The following GSDMD variants were observed in gnomAD, a reference collection of about 807,000 sequenced individuals.
GSDMD encodes the protein gasdermin D.
Under a neutral mutation model 46.7 loss-of-function variants are expected in GSDMD, and 46 were observed. The observed-to-expected ratio is 0.99, with a 90% CI of 0.78 to 1.26. The LOEUF (loss-of-function observed/expected upper bound fraction) is 1.26. Ranked by LOEUF, GSDMD falls within the 50% of genes most tolerant of loss-of-function variation. The pLI, the probability that GSDMD is intolerant of heterozygous loss-of-function variation, is 0.00. For missense variants in GSDMD, 649 were observed against 638.8 expected, an observed-to-expected ratio of 1.02 and a Z score of -0.17; for synonymous variants, 307 against 283.1, an observed-to-expected ratio of 1.08 and a Z score of -0.85.
chr8:143,562,686 G>A lies in GSDMD; in HGVS notation c.1237G>A (p.Ala413Thr). The A allele has an allele frequency of 6.2e-7, 1 of 1,605,886 alleles. No individual in the cohort carries two copies. The highest frequency in any genetic ancestry group is 8.5e-7 in the Non-Finnish European group (1 of 1,176,780). ...GGTGGGCAGCCTCTTGGAGCAGAGT[G>A]CCCCGTGGCAGGAGCGCAGCACCAT... is the stretch of plus-strand genomic sequence containing the variant. Reference protein sequence around the residue: ...ELVGSLLEQSAPWQERSTMSL... With the variant: ...ELVGSLLEQSTPWQERSTMSL... Residue 413 changes from alanine (A) to threonine (T), a missense_variant, in exon 11 of 11, where the codon GCC becomes ACC. Coordinates refer to ENST00000262580, the MANE Select transcript of GSDMD (RefSeq NM_024736.7).
intron 5 of GSDMD, 75 bp downstream of exon 5, chr8:143,561,179 C>A (rs1823451900): frequency 2.1e-6 from 3 of 1,441,072 alleles, no homozygotes; most frequent in Non-Finnish European, 2.9e-6. Flanking sequence ...AGCTACCCGC[C>A]AGCTTGGGCT....
intron 1 of GSDMD, 52 bp from the exon 2 acceptor site, chr8:143,559,280 T>TCCCCCCCCC: frequency 3.5e-6 from 2 of 579,430 alleles, no homozygotes; most frequent in East Asian, 3.2e-5. Context: ...CTTCTCCCAC[T>TCCCCCCCCC]CCCTCCCGCC....
chr8:143,559,712 AG>A lies in GSDMD; in HGVS notation c.218-62del. ...GGTCCCTCTGCCCTGGGGCTGGGAC[AG>A]GGCTGGTGGGGGCGGGGGAGAGGCG... is the stretch of plus-strand genomic sequence containing the variant. On this transcript the variant is annotated intron_variant, in intron 2 of 10. Coordinates refer to ENST00000262580, the MANE Select transcript of GSDMD (RefSeq NM_024736.7). The A allele has an allele frequency of 2.2e-6, 3 of 1,391,430 alleles. No individual in the cohort carries two copies. The South Asian group carries it at 3.9e-5, about 18-fold the overall frequency. The allele number at this position is 1,391,430 out of a possible 1,614,324, so 86.2% of individuals were successfully genotyped here. A position where few individuals can be genotyped will look rare whatever the true frequency, so the allele number is the denominator to read the frequency against.
intron 1 of GSDMD, chr8:143,558,775 C>A: frequency 1.7e-6 from 1 of 604,570 alleles, no homozygotes; most frequent in Non-Finnish European, 3.1e-6. Context: ...CCTGGGGCAG[C>A]TGCAGCCCCT....
intron 4 of GSDMD, 51 bp downstream of exon 4, chr8:143,560,822 G>A (rs750255039): frequency 2.5e-5 from 36 of 1,464,812 alleles, no homozygotes; most frequent in African/African-American, 8.7e-5. Flanking sequence ...GGCATGCGGC[G>A]GCGGGTGACG....
rs1343758519 is a variant in GSDMD at position 143,562,244 on chromosome 8, C to G, written c.1032C>G (p.Pro344=). Residue 344 remains proline (P), a synonymous_variant, in exon 9 of 11, where the codon CCC becomes CCG. Transcript: ENST00000262580. ...GCCAGAGCCTTGGGCCGGTGGAGCC[C>G]CTGGACGGTCCAGCAGGTGCTGTCC... ...EQGQSLGPVE[P]LDGPAGAVLE... The G allele has an allele frequency of 2.6e-6, 4 of 1,562,528 alleles. No individual in the cohort carries two copies. The highest frequency in any genetic ancestry group is 2.6e-6 in the Non-Finnish European group (3 of 1,156,364).
At chr8:143,561,203 G>A (rs1261091168) in intron 5 of GSDMD, 99 bp downstream of exon 5, 6 of 1,300,152 alleles carry the variant, frequency 4.6e-6, no homozygotes, top group Non-Finnish European at 4.4e-6. Flanking sequence ...GTGGGCCCCT[G>A]GCTGAACAAC....
At chr8:143,557,968 C>G, upstream of GSDMD, 1 of 432,246 alleles carries the variant, frequency 2.3e-6, no homozygotes, top group South Asian at 1.7e-5. Flanking sequence ...GATCTCGGCT[C>G]ACTGCAACCT....
intron 5 of GSDMD, 31 bp downstream of exon 5, chr8:143,561,135 AG>A: frequency 6.3e-7 from 1 of 1,593,116 alleles, no homozygotes; most frequent in Non-Finnish European, 8.6e-7. Flanking sequence ...TCTCGGGCCC[AG>A]GCCCTGGCAG....
Position 143,559,358 on chromosome 8 carries a change from T to C in GSDMD, c.23T>C (p.Val8Ala). The C allele has an allele frequency of 3.7e-6, 5 of 1,339,098 alleles. No individual in the cohort carries two copies. Among genetic ancestry groups the C allele is most frequent in the Non-Finnish European group, 4.9e-6 (5 of 1,014,742 alleles). The allele number at this position is 1,339,098 out of a possible 1,614,324, so 83.0% of individuals were successfully genotyped here. The change falls in exon 2 of 11, where the codon GTA (valine) becomes GCA (alanine). Residue 8 changes from valine to alanine, a missense_variant. Val to Ala is a moderately conservative substitution (Grantham distance 64). Transcript: ENST00000262580. ...AGCATGGGGTCGGCCTTTGAGCGGG[T>C]AGTCCGGAGAGTGGTCCAGGAGCTG... MGSAFERVVRRVVQELDH... is the reference protein window; with the variant it reads MGSAFERAVRRVVQELDH...
rs1313129393 is a variant in GSDMD, at chr8:143,562,670, C to G, written c.1221C>G (p.Ser407Arg). ...TLLGPLELVGSLLEQSAPWQE... is the reference protein window; with the variant it reads ...TLLGPLELVGRLLEQSAPWQE... ...CTGCCCTGTCTTGGCAGGTGGGCAG[C>G]CTCTTGGAGCAGAGTGCCCCGTGGC... is the stretch of plus-strand genomic sequence containing the variant. The change falls in exon 11 of 11, where the codon AGC becomes AGG. Residue 407 changes from serine to arginine, a missense_variant. By Grantham distance (110) the Ser-to-Arg change is moderately radical (BLOSUM62 -1). Coordinates refer to ENST00000262580, the MANE Select transcript of GSDMD (RefSeq NM_024736.7). 6.8e-6 allele frequency: 11 copies of G among 1,606,378 alleles called. No homozygotes were observed. Among genetic ancestry groups the G allele is most frequent in the Non-Finnish European group, 9.3e-6 (11 of 1,177,570 alleles).
chr8:143,555,682 T>C (rs1823286856), upstream of GSDMD, among the ~76,000 whole-genome samples: 1 of 152,122 alleles, frequency 6.6e-6, no homozygotes, highest in Non-Finnish European at 1.5e-5. Flanking sequence ...GGGGCAGCAG[T>C]GTGTGGGCTC....
chr8:143,560,651 C>T lies in GSDMD; in HGVS notation c.459C>T (p.Arg153=), dbSNP rs762190834. 48 of 1,590,152 alleles carry T rather than the reference C, an allele frequency of 3.0e-5. No individual in the cohort carries two copies. Among genetic ancestry groups the T allele is most frequent in the Middle Eastern group, 1.7e-4 (1 of 6,056 alleles). The change falls in exon 4 of 11, where the codon CGC becomes CGT. Residue 153 remains arginine, a synonymous_variant. Coordinates refer to ENST00000262580, the MANE Select transcript of GSDMD (RefSeq NM_024736.7). ...AAGTCCTGCAGCAGCTGCGCAGCCG[C>T]GGGGACAACGTGTACGTGGTGACTG... ...EHKVLQQLRS[R]GDNVYVVTEV... is the part of the protein sequence containing the mutation.
chr8:143,559,088 C>G, intron 1 of GSDMD: 1 of 595,094 alleles, frequency 1.7e-6, no homozygotes, highest in South Asian at 2.0e-5. Flanking sequence ...GGCGTCAGGC[C>G]TCACTGTCCC....
upstream of GSDMD, chr8:143,555,029 G>A (rs1476698955): frequency 1.3e-5 from 2 of 152,280 alleles, no homozygotes; most frequent in African/African-American, 2.4e-5. Context: ...ACAAGATAAT[G>A]TTTCCTTCTG....
chr8:143,559,081 G>A (rs112662688), intron 1 of GSDMD: 14 of 595,702 alleles, frequency 2.4e-5, no homozygotes, highest in East Asian at 5.6e-5. Flanking sequence ...AGGTCTGGGC[G>A]TCAGGCCTCA....
rs200806004 is a variant in GSDMD at position 143,559,884 on chromosome 8, G to A, written c.325G>A (p.Ala109Thr). 89 of 1,612,734 alleles carry A rather than the reference G, an allele frequency of 5.5e-5. No homozygotes were observed. The East Asian group carries it at 1.7e-3, about 31-fold the overall frequency. Residue 109 changes from alanine to threonine, a missense_variant, in exon 3 of 11, where the codon GCG (alanine) becomes ACG (threonine). By Grantham distance (58) the Ala-to-Thr change is moderately conservative (BLOSUM62 0). Coordinates refer to ENST00000262580, the MANE Select transcript of GSDMD (RefSeq NM_024736.7). ...ACAGGCAAAGATCGCAGGCGGGGCC[G>A]CGGTGTCTGACAGCTCCAGCACCTC... ...PGQAKIAGGA[A>T]VSDSSSTSMN...
rs780586972 is a variant in GSDMD at position 143,562,233 on chromosome 8, C to T, written c.1021C>T (p.Pro341Ser). Residue 341 changes from proline to serine, a missense_variant, in exon 9 of 11, where the codon CCG (proline) becomes TCG (serine). Coordinates refer to ENST00000262580, the MANE Select transcript of GSDMD (RefSeq NM_024736.7). ...EALEQGQSLG[P>S]VEPLDGPAGA... The stretch of plus-strand genomic sequence containing the variant: ...GCTGGAGCAGGGCCAGAGCCTTGGG[C>T]CGGTGGAGCCCCTGGACGGTCCAGC... The T allele has an allele frequency of 8.9e-6, 14 of 1,567,512 alleles. No individual in the cohort carries two copies. Among genetic ancestry groups the T allele is most frequent in the Middle Eastern group, 1.7e-4 (1 of 5,970 alleles).
Position 143,562,201 on chromosome 8 carries a change from G to A in GSDMD, c.997-8G>A. The A allele has an allele frequency of 6.3e-7, 1 of 1,582,984 alleles. No homozygotes were observed. Among genetic ancestry groups the A allele is most frequent in the South Asian group, 1.1e-5 (1 of 88,924 alleles). On this transcript the variant is annotated splice_region_variant and splice_polypyrimidine_tract_variant and intron_variant, in intron 8 of 10. Transcript: ENST00000262580. ...AGCCAGACTCACCTGCCCTTCCCGTGCCCACAGCTGGAGCAGGGCCAGAGC... is the reference window on the plus strand; with the variant it reads ...AGCCAGACTCACCTGCCCTTCCCGTACCCACAGCTGGAGCAGGGCCAGAGC...
Sources: gnomAD v4.1 joint callset for allele counts (sites outside exome capture counted in the v4.1 genomes callset) on GRCh38, gnomAD v4.1.1 for gene constraint, MANE v1.5 for transcripts, NCBI Gene and HGNC (gene_info 2026-07-23, HGNC 2026-07-21) for gene names.